Variants in RAD51B observed in about 807,000 individuals in gnomAD.
RAD51B encodes RAD51 paralog B.
In RAD51B, 38 loss-of-function variants were observed where a neutral mutation model predicts 42.2. The observed-to-expected ratio is 0.90, with a 90% CI of 0.70 to 1.18. RAD51B has a LOEUF of 1.18. Among genes scored for constraint, RAD51B ranks in the 50% most tolerant of loss-of-function variants. RAD51B has a pLI of 0.00. For missense variants in RAD51B, 373 were observed against 400.7 expected, an observed-to-expected ratio of 0.93 and a Z score of 0.59; for synonymous variants, 154 against 145.2, an observed-to-expected ratio of 1.06 and a Z score of -0.43.
intron 10 of RAD51B, among the ~76,000 whole-genome samples, chr14:68,524,807 G>A (rs184200878): frequency 2.4e-4 from 37 of 152,338 alleles, no homozygotes; most frequent in Non-Finnish European, 4.6e-4. Context: ...GTGATTTCCA[G>A]TGTTTTCTCT....
At chr14:68,595,019 G>C in exon 11 of RAD51B, 1 of 1,073,078 alleles carries the variant, frequency 9.3e-7, no homozygotes, top group Non-Finnish European at 1.1e-6. Context: ...GGATCCAGTA[G>C]CCTAGATTTT....
intron 7 of RAD51B, among the ~76,000 whole-genome samples, chr14:68,289,434 G>T (rs1402061682): frequency 6.6e-6 from 1 of 152,118 alleles, no homozygotes; most frequent in Non-Finnish European, 1.5e-5. Flanking sequence ...AAGAGAAATG[G>T]CCGGGCATGG....
intron 7 of RAD51B, among the ~76,000 whole-genome samples, chr14:67,926,268 A>C (rs1021205960): frequency 3.9e-5 from 6 of 152,176 alleles, no homozygotes; most frequent in African/African-American, 1.4e-4. Context: ...CACCTCTTGA[A>C]TACTTTGCTG....
chr14:68,485,351 G>A (rs184127893), intron 10 of RAD51B, among the ~76,000 whole-genome samples: 169 of 152,240 alleles, frequency 1.1e-3, no homozygotes, highest in African/African-American at 3.8e-3. Context: ...CAGAGGTATA[G>A]GACTAGTGAG....
At position 68,100,473 on chromosome 14, in the gene RAD51B, G is replaced by A. The variant is rs78715141; in HGVS notation, c.757-191411G>A. Among the ~76,000 whole-genome samples, 1,401 of 152,174 alleles carry A rather than the reference G, an allele frequency of 9.2e-3. 25 individuals carry two copies. Among genetic ancestry groups the A allele is most frequent in the African/African-American group, 0.031 (1,305 of 41,494 alleles). ...AGATTACAAGCATGAGCCACTGCAC[G>A]TGGCCCAAAGTCTGTAATTTTTTTC... On this transcript the variant is annotated intron_variant, in intron 7 of 10. Transcript: ENST00000471583.
At chr14:67,877,612 C>G (rs2042768584) in intron 5 of RAD51B, among the ~76,000 whole-genome samples, 1 of 152,110 alleles carries the variant, frequency 6.6e-6, no homozygotes, top group Non-Finnish European at 1.5e-5. Context: ...TTGAAAATAT[C>G]TCCTCCTGCT....
At chr14:68,033,358 CA>C (rs1177538394) in intron 7 of RAD51B, among the ~76,000 whole-genome samples, 1 of 152,176 alleles carries the variant, frequency 6.6e-6, no homozygotes, top group Non-Finnish European at 1.5e-5. Flanking sequence ...TATCTTCACA[CA>C]TTCCCTAATT....
chr14:68,414,165 C>T (rs2084490358), intron 9 of RAD51B, among the ~76,000 whole-genome samples: 1 of 152,142 alleles, frequency 6.6e-6, no homozygotes, highest in Admixed American at 6.5e-5. Flanking sequence ...GGAGTCCTCC[C>T]TGGCTGATTA....
At chr14:68,626,605 G>T (rs1158085228) in intron 10 of RAD51B, among the ~76,000 whole-genome samples, 2 of 152,214 alleles carry the variant, frequency 1.3e-5, no homozygotes, top group Non-Finnish European at 2.9e-5. Flanking sequence ...TGGGGCTCTT[G>T]ACTGCAGCAA....
At chr14:68,634,441 C>T (rs1892300316) in intron 10 of RAD51B, among the ~76,000 whole-genome samples, 1 of 152,134 alleles carries the variant, frequency 6.6e-6, no homozygotes, top group African/African-American at 2.4e-5. Context: ...GGATGAAGTG[C>T]CTTGTGATGT....
chr14:68,652,832 T>A (rs1005538494), intron 11 of RAD51B, among the ~76,000 whole-genome samples: 5 of 152,256 alleles, frequency 3.3e-5, no homozygotes, highest in African/African-American at 1.2e-4. Flanking sequence ...CTGTAGGAAG[T>A]AGGGCCAGGC....
intron 11 of RAD51B, among the ~76,000 whole-genome samples, chr14:68,680,912 C>T (rs1349130206): frequency 1.3e-5 from 2 of 151,466 alleles, no homozygotes; most frequent in African/African-American, 4.9e-5. Flanking sequence ...TTTTTTAGGC[C>T]GATTTTGGGA....
chr14:68,021,297 G>C (rs2075860991), intron 7 of RAD51B, among the ~76,000 whole-genome samples: 1 of 152,180 alleles, frequency 6.6e-6, no homozygotes, highest in Non-Finnish European at 1.5e-5. Context: ...CTTCACACGA[G>C]GATCAGATGC....
intron 10 of RAD51B, among the ~76,000 whole-genome samples, chr14:68,495,201 C>T (rs1159317047): frequency 6.6e-6 from 1 of 152,190 alleles, no homozygotes; most frequent in African/African-American, 2.4e-5. Context: ...GCATGACTGC[C>T]TCACATGCCA....
intron 10 of RAD51B, among the ~76,000 whole-genome samples, chr14:68,567,489 A>G (rs949301361): frequency 6.6e-6 from 1 of 152,212 alleles, no homozygotes; most frequent in Non-Finnish European, 1.5e-5. Flanking sequence ...CATCATTGTC[A>G]TCCAAAGTCC....
chr14:68,494,312 C>T (rs1045048581), intron 10 of RAD51B, among the ~76,000 whole-genome samples: 8 of 151,336 alleles, frequency 5.3e-5, no homozygotes, highest in South Asian at 2.1e-4. Flanking sequence ...CCAATTTCAC[C>T]AGTACTGCTC....
At chr14:68,223,222 C>T (rs1409568852) in intron 7 of RAD51B, among the ~76,000 whole-genome samples, 1 of 152,222 alleles carries the variant, frequency 6.6e-6, no homozygotes, top group Non-Finnish European at 1.5e-5. Context: ...TGTTTACATT[C>T]TTCTTTTTCC....
rs563916415 is a variant in RAD51B, at chr14:68,141,823, G to GC, written c.757-150059dup. ...AAGTAGGACTCCTTTCTTTTAACCT[G>GC]CCTAACTCATGTTTATCCTTTATCT... On this transcript the variant is annotated intron_variant, in intron 7 of 10. Coordinates refer to ENST00000471583, the MANE Select transcript of RAD51B (RefSeq NM_133510.4). 4.9e-3 allele frequency among the ~76,000 whole-genome samples: 751 copies of GC among 152,164 alleles called. 11 individuals are homozygous for GC. The highest frequency in any genetic ancestry group is 0.017 in the African/African-American group (718 of 41,500).
intron 7 of RAD51B, among the ~76,000 whole-genome samples, chr14:68,088,589 C>CGTGTGTGTGT: frequency 7.3e-6 from 1 of 137,024 alleles, no homozygotes; most frequent in East Asian, 2.1e-4. Context: ...GTTATGGGAT[C>CGTGTGTGTGT]GTGTGTGTGT....
Sources: allele counts gnomAD v4.1 joint callset (sites outside exome capture counted in the v4.1 genomes callset), GRCh38; gene constraint gnomAD v4.1.1; transcripts MANE v1.5; gene names NCBI Gene and HGNC (gene_info 2026-07-23, HGNC 2026-07-21).